BICD2: variants seen among roughly 807,000 people sequenced by gnomAD.
The protein encoded by BICD2 is protein bicaudal D homolog 2.
Under a neutral mutation model 72.9 loss-of-function variants are expected in BICD2, and 25 were observed. That is an observed-to-expected ratio of 0.34 (90% CI 0.25 to 0.48). The LOEUF is 0.48. Ranked by LOEUF, BICD2 falls within the 20% of genes least tolerant of loss-of-function variation. The pLI is 0.99. For missense variants in BICD2, 894 were observed against 1,175.2 expected (o/e 0.76, Z 3.50); for synonymous variants, 501 against 516.1 (o/e 0.97, Z 0.40).
At position 92,719,394 on chromosome 9, in the gene BICD2, G is replaced by A. The variant is rs1012482201; in HGVS notation, c.1251C>T (p.Asp417=). 9 of 1,614,074 alleles carry A rather than the reference G, an allele frequency of 5.6e-6. No homozygotes were observed. In the Admixed American group the frequency reaches 1.0e-4, roughly 18 times the overall value. ...CGTAGTAGTCCCCATCCTCATGGCT[G>A]TCACGGTCCTTCTCGTTGTCCAGGG... The part of the protein sequence containing the change: ...QTALDNEKDR[D]SHEDGDYYEV... The change falls in exon 5 of 7, where the codon GAC becomes GAT. Residue 417 remains aspartate (D), a synonymous_variant. Coordinates refer to ENST00000356884, the MANE Select transcript of BICD2 (RefSeq NM_001003800.2).
chr9:92,733,172 G>A (rs1158395768), intron 1 of BICD2, among the ~76,000 whole-genome samples: 2 of 152,220 alleles, frequency 1.3e-5, no homozygotes, highest in Non-Finnish European at 2.9e-5. Flanking sequence ...ATAGAATAGA[G>A]TCCAGAAATA....
chr9:92,742,708 C>CCA (rs1028291347), intron 1 of BICD2, among the ~76,000 whole-genome samples: 4 of 152,036 alleles, frequency 2.6e-5, no homozygotes, highest in African/African-American at 9.7e-5. Context: ...ATCACCCCCC[C>CCA]CAAAGAAACT....
chr9:92,723,328 G>C (rs1853501618), intron 2 of BICD2, among the ~76,000 whole-genome samples: 2 of 152,148 alleles, frequency 1.3e-5, no homozygotes, highest in Admixed American at 6.6e-5. Context: ...ATTGACTGAT[G>C]AATGAATAAA....
chr9:92,745,485 C>T (rs1421421800), intron 1 of BICD2, among the ~76,000 whole-genome samples: 3 of 152,034 alleles, frequency 2.0e-5, no homozygotes, highest in African/African-American at 7.2e-5. Context: ...ACTGGGCCTG[C>T]TCTGTCCAGA....
chr9:92,759,508 C>A (rs1587693378), intron 1 of BICD2, among the ~76,000 whole-genome samples: 1 of 152,226 alleles, frequency 6.6e-6, no homozygotes, highest in Non-Finnish European at 1.5e-5. Flanking sequence ...AGCCTGCCTG[C>A]CACTCAGTCC....
At chr9:92,740,938 G>A (rs1020820577) in intron 1 of BICD2, among the ~76,000 whole-genome samples, 1 of 152,198 alleles carries the variant, frequency 6.6e-6, no homozygotes, top group Non-Finnish European at 1.5e-5. Flanking sequence ...GCCCAGGAGG[G>A]AGTCTGGGTG....
Position 92,720,544 on chromosome 9 carries a change from G to C in BICD2, c.818C>G (p.Thr273Ser), listed in dbSNP as rs781147760. ...ATCCAGCGAGACATGCAGGTGGCTG[G>C]TGTAGAAGGAGTCATTGATGCTCAT... ...HYMSINDSFY[T>S]SHLHVSLDGL... Residue 273 changes from threonine to serine, a missense_variant, in exon 4 of 7, where the codon ACC (threonine) becomes AGC (serine). This residue lies in a region of BICD2 where 371 missense variants were observed against 439.1 expected (regional missense o/e 0.84). Transcript: ENST00000356884. This position sits in a 1 kb window ranked among gnomAD's most constrained non-coding sequence, Gnocchi z 5.4. 1 of 1,614,222 alleles carries C rather than the reference G, an allele frequency of 6.2e-7. No homozygotes were observed. The highest frequency in any genetic ancestry group is 8.5e-7 in the Non-Finnish European group (1 of 1,180,040).
At chr9:92,750,400 C>G (rs535410565) in intron 1 of BICD2, among the ~76,000 whole-genome samples, 1 of 151,474 alleles carries the variant, frequency 6.6e-6, no homozygotes, top group Non-Finnish European at 1.5e-5. Flanking sequence ...ACTAAGATGT[C>G]TTTCAATAGG....
chr9:92,739,031 G>A (rs938159917), intron 1 of BICD2, among the ~76,000 whole-genome samples: 1 of 152,184 alleles, frequency 6.6e-6, no homozygotes, highest in Non-Finnish European at 1.5e-5. Context: ...GGCATCCCAG[G>A]AATCCCACTA....
intron 1 of BICD2, among the ~76,000 whole-genome samples, chr9:92,736,986 G>A (rs1853801198): frequency 6.6e-6 from 1 of 151,964 alleles, no homozygotes; most frequent in Non-Finnish European, 1.5e-5. Context: ...TGAGCCCAGT[G>A]CCCCACCCCA....
At chr9:92,717,973 A>G (rs1296814872) in intron 5 of BICD2, 25 bp from the exon 6 acceptor site, 2 of 1,607,642 alleles carry the variant, frequency 1.2e-6, no homozygotes, top group South Asian at 1.1e-5. Flanking sequence ...TGTAGGGTGG[A>G]AAAGTGAAAG....
rs559542302 is a variant in BICD2 at position 92,755,513 on chromosome 9, C to A, written c.240+8992G>T. Among the ~76,000 whole-genome samples, 10 of 152,280 alleles carry A rather than the reference C, an allele frequency of 6.6e-5. No individual in the cohort carries two copies. The South Asian group carries it at 1.9e-3, about 28-fold the overall frequency. On this transcript the variant is annotated intron_variant, in intron 1 of 6. Coordinates refer to ENST00000356884, the MANE Select transcript of BICD2 (RefSeq NM_001003800.2). The stretch of plus-strand genomic sequence containing the variant: ...GCTTGTGGGGCATCACGGAACCTAC[C>A]GACATGTGATGTCTCCCCCGGATGC...
At chr9:92,754,600 C>A (rs925542656) in intron 1 of BICD2, among the ~76,000 whole-genome samples, 1 of 152,140 alleles carries the variant, frequency 6.6e-6, no homozygotes. Flanking sequence ...GTCAGGGACC[C>A]CAAACAGAGA....
intron 1 of BICD2, among the ~76,000 whole-genome samples, chr9:92,746,248 T>C (rs1049168282): frequency 3.9e-5 from 6 of 152,166 alleles, no homozygotes; most frequent in African/African-American, 1.4e-4. Flanking sequence ...GATGGAAGCA[T>C]TGGCCGGGCA....
chr9:92,722,889 GC>G (rs1234696676), intron 2 of BICD2, 81 bp from the exon 3 acceptor site: 22 of 1,560,178 alleles, frequency 1.4e-5, no homozygotes, highest in Non-Finnish European at 1.8e-5. Flanking sequence ...GCACGCCATG[GC>G]CAGCCATACA....
rs186473754 is a variant in BICD2, at chr9:92,741,688, A to G, written c.241-12452T>C. On this transcript the variant is annotated intron_variant, in intron 1 of 6. Coordinates refer to ENST00000356884, the MANE Select transcript of BICD2 (RefSeq NM_001003800.2). ...AAATAATGGAATGCATTAATAAATA[A>G]TGGAGAAGCATTGGTAAATGAAGAT... 1.4e-3 allele frequency among the ~76,000 whole-genome samples: 211 copies of G among 152,380 alleles called. 2 individuals are homozygous for G. The highest frequency in any genetic ancestry group is 6.8e-3 in the Middle Eastern group (2 of 294).
intron 1 of BICD2, among the ~76,000 whole-genome samples, chr9:92,738,445 T>A (rs1853832251): frequency 6.6e-6 from 1 of 152,148 alleles, no homozygotes; most frequent in African/African-American, 2.4e-5. Flanking sequence ...AGCCAGCTAG[T>A]GGGGCTGCCT....
chr9:92,719,482 G>A lies in BICD2; in HGVS notation c.1163C>T (p.Thr388Ile), dbSNP rs1356671689. The A allele has an allele frequency of 6.2e-7, 1 of 1,613,940 alleles. No homozygotes were observed. The highest frequency in any genetic ancestry group is 8.5e-7 in the Non-Finnish European group (1 of 1,180,034). Residue 388 changes from threonine to isoleucine, a missense_variant, in exon 5 of 7, where the codon ACC becomes ATC. Thr to Ile is a moderately conservative substitution (Grantham distance 89, BLOSUM62 -1). This residue lies in a region of BICD2 where 371 missense variants were observed against 439.1 expected (regional missense o/e 0.84). Coordinates refer to ENST00000356884, the MANE Select transcript of BICD2 (RefSeq NM_001003800.2). ...GSLSEQQEKV[T>I]RLTENLSALR... The stretch of plus-strand genomic sequence containing the variant: ...GGCACTCAGATTCTCTGTGAGGCGG[G>A]TCACCTTCTCCTGCTGTTCTGACAG...
At chr9:92,742,869 T>C (rs1243369810) in intron 1 of BICD2, among the ~76,000 whole-genome samples, 1 of 152,260 alleles carries the variant, frequency 6.6e-6, no homozygotes, top group Non-Finnish European at 1.5e-5. Context: ...GGTTCGCCCA[T>C]GTTGTAGTAT....
Sources: allele counts gnomAD v4.1 joint callset (sites outside exome capture counted in the v4.1 genomes callset), GRCh38; gene constraint gnomAD v4.1.1; regional missense constraint gnomAD v4.1.1; non-coding constraint Gnocchi (gnomAD v3.1); transcripts MANE v1.5; gene names NCBI Gene and HGNC (gene_info 2026-07-23, HGNC 2026-07-21).